The following FERMT2 variants were observed in gnomAD, a reference collection of about 807,000 sequenced individuals.
FERMT2 encodes the protein FERM domain containing kindlin 2, also known as fermitin family homolog 2.
A neutral mutation model predicts 82.7 loss-of-function variants in FERMT2; 15 were observed. The ratio of observed to expected loss-of-function variants is 0.18; its 90% confidence interval spans 0.12 to 0.28. The LOEUF is 0.28. Among genes scored for constraint, FERMT2 ranks in the 10% least tolerant of loss-of-function variants. FERMT2 has a pLI of 1.00. For missense variants in FERMT2, 645 were observed against 809.4 expected (o/e 0.80, Z 2.46); for synonymous variants, 274 against 271.5 (o/e 1.01, Z -0.09).
chr14:52,859,736 C>A (rs3818453), intron 13 of FERMT2, 22 bp from the exon 14 acceptor site: 1,300,387 of 1,500,764 alleles, frequency 0.87, 571,586 homozygotes, highest in Non-Finnish European at 0.9. Flanking sequence ...AAGAAAAGAA[C>A]GGTTAAAAAC....
chr14:52,928,314 CT>C (rs1263925986), intron 2 of FERMT2: 1 of 179,234 alleles, frequency 5.6e-6, no homozygotes, highest in Non-Finnish European at 1.2e-5. Context: ...CTTTTGTACT[CT>C]GCTAATATTG....
intron 10 of FERMT2, among the ~76,000 whole-genome samples, chr14:52,867,788 A>T (rs927057504): frequency 6.6e-6 from 1 of 152,010 alleles, no homozygotes; most frequent in African/African-American, 2.4e-5. Flanking sequence ...CATCTTCTAC[A>T]TTCTTATCTC....
At chr14:52,859,819 T>TA in intron 13 of FERMT2, 105 bp from the exon 14 acceptor site, 7 of 619,416 alleles carry the variant, frequency 1.1e-5, no homozygotes, top group Non-Finnish European at 1.8e-5. Context: ...AGAGTACTAT[T>TA]CTTTTTTTTT....
At chr14:52,858,801 G>A (rs145708259) in intron 14 of FERMT2, 115 of 372,962 alleles carry the variant, frequency 3.1e-4, no homozygotes, top group African/African-American at 2.1e-3. Context: ...GTTTTAGGTC[G>A]TTCAGTTCTC....
chr14:52,904,608 G>T (rs959390725), intron 3 of FERMT2, among the ~76,000 whole-genome samples: 1 of 151,690 alleles, frequency 6.6e-6, no homozygotes, highest in African/African-American at 2.4e-5. Flanking sequence ...CATGAGAATC[G>T]CCTGAACCTG....
chr14:52,870,353 A>C (rs1418606485), intron 10 of FERMT2, among the ~76,000 whole-genome samples: 3 of 151,562 alleles, frequency 2.0e-5, no homozygotes, highest in Non-Finnish European at 2.9e-5. Flanking sequence ...AGGTTCAAGC[A>C]ATTCTCCTGC....
intron 2 of FERMT2, among the ~76,000 whole-genome samples, chr14:52,922,512 A>G (rs1192378701): frequency 6.6e-6 from 1 of 152,198 alleles, no homozygotes; most frequent in Non-Finnish European, 1.5e-5. Context: ...TTTATTGTAG[A>G]AGCAGGGCGC....
chr14:52,925,558 CAAAA>C (rs761894753), intron 2 of FERMT2, among the ~76,000 whole-genome samples: 7 of 55,638 alleles, frequency 1.3e-4, no homozygotes, highest in African/African-American at 2.4e-4. Flanking sequence ...GACTCTGTCT[CAAAA>C]AAAAAAAAAA....
At chr14:52,900,610 T>G (rs1259918196) in intron 3 of FERMT2, among the ~76,000 whole-genome samples, 1 of 152,012 alleles carries the variant, frequency 6.6e-6, no homozygotes, top group Non-Finnish European at 1.5e-5. Context: ...GATGGAACAG[T>G]AACTTTGTAA....
intron 2 of FERMT2, among the ~76,000 whole-genome samples, chr14:52,944,898 TTC>T (rs1244321169): frequency 2.6e-5 from 4 of 152,072 alleles, no homozygotes; most frequent in Non-Finnish European, 5.9e-5. Context: ...TCCTCAGATT[TTC>T]TTTTTCTTTT....
intron 10 of FERMT2, among the ~76,000 whole-genome samples, chr14:52,865,129 C>A (rs1362207331): frequency 6.6e-6 from 1 of 152,136 alleles, no homozygotes; most frequent in Non-Finnish European, 1.5e-5. Flanking sequence ...TTGAGACCAG[C>A]TGACCAACAT....
chr14:52,917,452 C>A (rs955887844), intron 3 of FERMT2, among the ~76,000 whole-genome samples: 19 of 152,012 alleles, frequency 1.2e-4, no homozygotes, highest in African/African-American at 4.1e-4. Flanking sequence ...GACAAAATAT[C>A]AACAATTATT....
At chr14:52,928,629 CT>C (rs1197793923) in intron 2 of FERMT2, among the ~76,000 whole-genome samples, 10 of 152,324 alleles carry the variant, frequency 6.6e-5, no homozygotes, top group African/African-American at 1.9e-4. Flanking sequence ...GCCAGGCAGA[CT>C]GCCCAAGACA....
chr14:52,948,495 T>C (rs1049309005), intron 2 of FERMT2: 3 of 432,668 alleles, frequency 6.9e-6, no homozygotes, highest in Non-Finnish European at 1.4e-5. Flanking sequence ...ATTCAAAATA[T>C]AAGAGGAATC....
At chr14:52,875,617 A>G (rs1885906182) in intron 7 of FERMT2, among the ~76,000 whole-genome samples, 1 of 152,080 alleles carries the variant, frequency 6.6e-6, no homozygotes, top group African/African-American at 2.4e-5. Context: ...AAGAGAGTTA[A>G]CTGGTCCTCA....
chr14:52,892,456 G>GTTTTTTTGT (rs1886996695), intron 4 of FERMT2, among the ~76,000 whole-genome samples: 1 of 133,390 alleles, frequency 7.5e-6, no homozygotes, highest in Non-Finnish European at 1.6e-5. Flanking sequence ...GCTGTTTTTT[G>GTTTTTTTGT]TTTTTTTTTT....
intron 3 of FERMT2, among the ~76,000 whole-genome samples, chr14:52,909,963 GA>G (rs1206875347): frequency 6.6e-6 from 1 of 152,196 alleles, no homozygotes; most frequent in African/African-American, 2.4e-5. Flanking sequence ...TGAGGCAGGA[GA>G]ATCGCTTGAA....
chr14:52,888,255 A>G (rs1886725509), intron 4 of FERMT2, among the ~76,000 whole-genome samples: 2 of 152,224 alleles, frequency 1.3e-5, no homozygotes, highest in African/African-American at 4.8e-5. Context: ...TATTTTTAAA[A>G]TACGGATTAG....
chr14:52,887,648 A>G (rs1886689516), intron 4 of FERMT2, among the ~76,000 whole-genome samples: 1 of 151,902 alleles, frequency 6.6e-6, no homozygotes, highest in South Asian at 2.1e-4. Flanking sequence ...GGCAACACAG[A>G]GAGACCCTGT....
Sources: gnomAD v4.1 joint callset for allele counts (sites outside exome capture counted in the v4.1 genomes callset) on GRCh38, gnomAD v4.1.1 for gene constraint, MANE v1.5 for transcripts, NCBI Gene and HGNC (gene_info 2026-07-23, HGNC 2026-07-21) for gene names.